MEGF9: variants seen among roughly 807,000 people sequenced by gnomAD.
MEGF9 encodes the protein multiple epidermal growth factor-like domains protein 9.
MEGF9 carries 6 observed loss-of-function variants against 46.8 expected under a neutral mutation model. The observed-to-expected ratio is 0.13, with a 90% CI of 0.07 to 0.25. The LOEUF is 0.25. MEGF9 is among the 10% of genes least tolerant of loss of function. MEGF9 has a pLI of 1.00. For synonymous variants in MEGF9, 302 were observed against 330.7 expected, an observed-to-expected ratio of 0.91 and a Z score of 0.94; for missense variants, 683 against 792.4, an observed-to-expected ratio of 0.86 and a Z score of 1.66.
chr9:120,678,915 C>T (rs532719381), intron 1 of MEGF9, among the ~76,000 whole-genome samples: 10 of 152,248 alleles, frequency 6.6e-5, no homozygotes, highest in African/African-American at 2.2e-4. Context: ...CAAATCAAAA[C>T]CACAATGAGA....
chr9:120,620,606 T>C (rs930270565), intron 3 of MEGF9, among the ~76,000 whole-genome samples: 1 of 152,190 alleles, frequency 6.6e-6, no homozygotes, highest in Admixed American at 6.5e-5. Context: ...TGCTTTCTAA[T>C]GAAGTGGCCT....
At chr9:120,607,052 A>C (rs1284241784) in intron 5 of MEGF9, among the ~76,000 whole-genome samples, 1 of 152,186 alleles carries the variant, frequency 6.6e-6, no homozygotes, top group African/African-American at 2.4e-5. Context: ...TGGCAGAAAG[A>C]TGACAGTTGC....
At chr9:120,644,001 C>T (rs1409018497) in intron 2 of MEGF9, among the ~76,000 whole-genome samples, 5 of 152,184 alleles carry the variant, frequency 3.3e-5, no homozygotes, top group Non-Finnish European at 7.3e-5. Flanking sequence ...AGGTGTGAGG[C>T]ACCATGAGGC....
chr9:120,709,018 C>T (rs2043941018), intron 1 of MEGF9, among the ~76,000 whole-genome samples: 1 of 152,142 alleles, frequency 6.6e-6, no homozygotes, highest in Non-Finnish European at 1.5e-5. Flanking sequence ...AACATCAGTA[C>T]CCCATCCAGA....
At chr9:120,711,058 A>G (rs2043950733) in intron 1 of MEGF9, among the ~76,000 whole-genome samples, 1 of 152,262 alleles carries the variant, frequency 6.6e-6, no homozygotes, top group African/African-American at 2.4e-5. Context: ...GCCTTGAACA[A>G]CAGTTCAGAT....
chr9:120,683,399 G>A (rs2043807536), intron 1 of MEGF9, among the ~76,000 whole-genome samples: 1 of 152,178 alleles, frequency 6.6e-6, no homozygotes, highest in African/African-American at 2.4e-5. Context: ...TTGAGGGAGG[G>A]ACCAGATGGG....
chr9:120,682,964 T>G lies in MEGF9; in HGVS notation c.602-23389A>C, dbSNP rs777057218. Among the ~76,000 whole-genome samples the G allele has an allele frequency of 1.5e-3, 231 of 152,300 alleles. 1 individual carries two copies. Among genetic ancestry groups the G allele is most frequent in the Non-Finnish European group, 1.3e-3 (87 of 68,014 alleles). On this transcript the variant is annotated intron_variant, in intron 1 of 5. Coordinates refer to ENST00000373930, the MANE Select transcript of MEGF9 (RefSeq NM_001080497.3). ...CTTACAAAGTTATGCCATACTATCT[T>G]GGGAAAATACATGGGGCATATGGAG...
intron 1 of MEGF9, among the ~76,000 whole-genome samples, chr9:120,673,677 A>G (rs1273088251): frequency 6.6e-6 from 1 of 152,092 alleles, no homozygotes; most frequent in East Asian, 1.9e-4. Flanking sequence ...TATAAAAATT[A>G]ACTCAATAGG....
At chr9:120,680,207 T>C (rs946873920) in intron 1 of MEGF9, among the ~76,000 whole-genome samples, 4 of 152,212 alleles carry the variant, frequency 2.6e-5, no homozygotes, top group African/African-American at 9.7e-5. Context: ...CATGTTTTCC[T>C]GGATGGTGTT....
chr9:120,682,583 A>ACAC (rs1564427074), intron 1 of MEGF9, among the ~76,000 whole-genome samples: 1 of 151,892 alleles, frequency 6.6e-6, no homozygotes, highest in Non-Finnish European at 1.5e-5. Flanking sequence ...ACACACACAC[A>ACAC]CACACACGCA....
At chr9:120,650,001 T>G (rs936820217) in intron 2 of MEGF9, among the ~76,000 whole-genome samples, 2 of 152,182 alleles carry the variant, frequency 1.3e-5, no homozygotes, top group Non-Finnish European at 2.9e-5. Context: ...GCACGGTGGC[T>G]CACACCTGTA....
chr9:120,621,429 A>T (rs2043498905), intron 3 of MEGF9, among the ~76,000 whole-genome samples: 1 of 152,144 alleles, frequency 6.6e-6, no homozygotes, highest in South Asian at 2.1e-4. Flanking sequence ...CTTTGTCTTC[A>T]CTGTGTACAA....
chr9:120,664,063 TAA>T (rs925533650), intron 1 of MEGF9, among the ~76,000 whole-genome samples: 1 of 151,906 alleles, frequency 6.6e-6, no homozygotes, highest in Non-Finnish European at 1.5e-5. Flanking sequence ...TTTTTAGCCC[TAA>T]AAAAAAGATT....
Position 120,696,676 on chromosome 9 carries a change from GA to G in MEGF9, c.601+17081del, listed in dbSNP as rs1193209614. Among the ~76,000 whole-genome samples, 4 of 152,268 alleles carry G rather than the reference GA, an allele frequency of 2.6e-5. No individual in the cohort carries two copies. The East Asian group carries it at 7.7e-4, about 29-fold the overall frequency. ...CAAGGGGAAAAGTACAAGAAATGAG[GA>G]TGGCAGACATCTTGGAGTTTTAAAT... is the stretch of plus-strand genomic sequence containing the variant. On this transcript the variant is annotated intron_variant, in intron 1 of 5. Coordinates refer to ENST00000373930, the MANE Select transcript of MEGF9 (RefSeq NM_001080497.3).
intron 1 of MEGF9, among the ~76,000 whole-genome samples, chr9:120,676,381 A>G (rs2043773541): frequency 6.6e-6 from 1 of 152,212 alleles, no homozygotes; most frequent in South Asian, 2.1e-4. Flanking sequence ...AGTTTCATAC[A>G]TATCTTGTTA....
At chr9:120,635,085 T>C (rs1252420141) in intron 2 of MEGF9, among the ~76,000 whole-genome samples, 1 of 152,228 alleles carries the variant, frequency 6.6e-6, no homozygotes, top group Non-Finnish European at 1.5e-5. Flanking sequence ...CTTTTCTGGG[T>C]ATAGTATTCT....
intron 3 of MEGF9, among the ~76,000 whole-genome samples, chr9:120,613,482 T>C (rs1296044513): frequency 6.6e-6 from 1 of 152,066 alleles, no homozygotes; most frequent in Non-Finnish European, 1.5e-5. Flanking sequence ...TTAATCTTTA[T>C]TATTAATAAT....
At chr9:120,695,516 A>G (rs2043871865) in intron 1 of MEGF9, among the ~76,000 whole-genome samples, 1 of 147,194 alleles carries the variant, frequency 6.8e-6, no homozygotes, top group Non-Finnish European at 1.5e-5. Flanking sequence ...AGGCAGGAGA[A>G]TCGCTTGAAT....
intron 1 of MEGF9, among the ~76,000 whole-genome samples, chr9:120,708,197 A>C (rs2043937219): frequency 6.6e-6 from 1 of 151,724 alleles, no homozygotes; most frequent in Non-Finnish European, 1.5e-5. Flanking sequence ...GTTTCTTCTA[A>C]AATACAAAGA....
Sources: gnomAD v4.1 joint callset for allele counts (sites outside exome capture counted in the v4.1 genomes callset) on GRCh38, gnomAD v4.1.1 for gene constraint, MANE v1.5 for transcripts, NCBI Gene and HGNC (gene_info 2026-07-23, HGNC 2026-07-21) for gene names.